Variants in GALK1 observed in about 807,000 individuals in gnomAD.
GALK1 encodes galactokinase 1.
In GALK1, 30 loss-of-function variants were observed where a neutral mutation model predicts 38.6. The observed-to-expected ratio is 0.78, with a 90% CI of 0.58 to 1.05. The LOEUF is 1.05. GALK1 is among the 50% of genes least tolerant of loss of function. The pLI is 0.00. For missense variants in GALK1, 512 were observed against 540.5 expected (o/e 0.95, Z 0.52); for synonymous variants, 240 against 233.6 (o/e 1.03, Z -0.25).
intron 8 of GALK1, chr17:75,751,984 C>T: frequency 1.4e-6 from 1 of 729,458 alleles, no homozygotes; most frequent in Non-Finnish European, 2.5e-6. Flanking sequence ...GGACTGGTGA[C>T]ATATGTCCAC....
At chr17:75,761,755 C>T (rs56011703) in intron 5 of GALK1, among the ~76,000 whole-genome samples, 14,915 of 150,498 alleles carry the variant, frequency 0.099, 904 homozygotes, top group Non-Finnish European at 0.13. Context: ...CTATGGCTCA[C>T]GCCTGTAATC....
intron 5 of GALK1, among the ~76,000 whole-genome samples, chr17:75,760,611 C>CA (rs990477683): frequency 0.012 from 1,468 of 118,222 alleles, 8 homozygotes; most frequent in African/African-American, 0.024. Flanking sequence ...ACTAAAAATA[C>CA]AAAAAAAAAA....
downstream of GALK1, chr17:75,754,028 C>T: frequency 1.2e-6 from 1 of 838,556 alleles, no homozygotes; most frequent in Non-Finnish European, 1.6e-6. Flanking sequence ...CTCACTCGCG[C>T]CTGAGGGCCT....
rs2061592618 is a variant in GALK1, at chr17:75,762,754, CG to C, written c.742del (p.Arg248GlyfsTer16). 6.2e-7 allele frequency: 1 copy of C among 1,613,750 alleles called. No homozygotes were observed. Among genetic ancestry groups the C allele is most frequent in the Non-Finnish European group, 8.5e-7 (1 of 1,180,034 alleles). On this transcript the variant is annotated frameshift_variant, in exon 5 of 8. Transcript: ENST00000588479. LOFTEE classifies it high-confidence loss of function. ...VRRRQCEEVA[R>X]ALGKESLREV... Reference sequence around the variant, plus strand: ...CCGGAGGCTTTCCTTGCCCAGCGCCCGGGCCACTTCTTCACATTGGCGCCGC... The same window carrying C: ...CCGGAGGCTTTCCTTGCCCAGCGCCCGGCCACTTCTTCACATTGGCGCCGC...
downstream of GALK1, chr17:75,756,847 G>A (rs771325116): frequency 5.0e-6 from 8 of 1,612,180 alleles, no homozygotes; most frequent in Non-Finnish European, 6.8e-6. Context: ...CTGTGAGATG[G>A]CCCAAGGAGG....
At chr17:75,754,047 C>T (rs2061430499), downstream of GALK1, 2 of 701,054 alleles carry the variant, frequency 2.9e-6, no homozygotes, top group South Asian at 4.9e-5. Context: ...CTGGGGTGGG[C>T]GTCTGCGCTG....
intron 1 of GALK1, chr17:75,764,456 GC>G (rs756538541): frequency 5.4e-6 from 3 of 558,454 alleles, no homozygotes; most frequent in Admixed American, 3.9e-5. Flanking sequence ...GGCGGAAAGC[GC>G]CCCCCGCTGA....
intron 5 of GALK1, among the ~76,000 whole-genome samples, chr17:75,760,663 C>T (rs112434602): frequency 2.4e-4 from 37 of 152,136 alleles, no homozygotes; most frequent in African/African-American, 8.4e-4. Flanking sequence ...GTAGTCCCAG[C>T]CACTCCAGAG....
rs146045315 is a variant in GALK1 at position 75,764,976 on chromosome 17, G to C, written c.161C>G (p.Pro54Arg). The C allele has an allele frequency of 1.9e-6, 3 of 1,608,150 alleles. No individual in the cohort carries two copies. The African/African-American group carries it at 4.0e-5, about 21-fold the overall frequency. Residue 54 changes from proline (P) to arginine (R), a missense_variant, in exon 1 of 8, where the codon CCT becomes CGT. Coordinates refer to ENST00000588479, the MANE Select transcript of GALK1 (RefSeq NM_000154.2). ...HTDYNQGLVLPMALELMTVLV... is the reference protein window; with the variant it reads ...HTDYNQGLVLRMALELMTVLV... ...GCTCCCCGTGCAGCCCCTCACCATA[G>C]GCAGCACCAGGCCCTGGTTGTAGTC... is the stretch of plus-strand genomic sequence containing the variant.
chr17:75,753,498 G>A (rs1306664556), downstream of GALK1, among the ~76,000 whole-genome samples: 1 of 152,192 alleles, frequency 6.6e-6, no homozygotes, highest in Non-Finnish European at 1.5e-5. Flanking sequence ...CTTCCCCCAG[G>A]TTTCTGGCGG....
chr17:75,752,625 A>G (rs1568380824), intron 8 of GALK1: 1 of 1,610,204 alleles, frequency 6.2e-7, no homozygotes, highest in East Asian at 2.2e-5. Flanking sequence ...GGTCTTGGGT[A>G]CAGAGTGAGT....
At chr17:75,753,887 G>T, downstream of GALK1, 1 of 1,317,048 alleles carries the variant, frequency 7.6e-7, no homozygotes, top group Non-Finnish European at 9.6e-7. Flanking sequence ...CTCCGACGCC[G>T]AGGCGCCCCA....
intron 5 of GALK1, among the ~76,000 whole-genome samples, chr17:75,760,417 T>C (rs2061582436): frequency 6.6e-6 from 1 of 151,540 alleles, no homozygotes; most frequent in Admixed American, 6.6e-5. Flanking sequence ...TTGTGTCTCT[T>C]GACTCTGTAA....
At chr17:75,764,856 C>A in intron 1 of GALK1, 116 bp downstream of exon 1, 1 of 1,169,480 alleles carries the variant, frequency 8.6e-7, no homozygotes, top group South Asian at 1.4e-5. Context: ...CCAGGCGCAG[C>A]TGCCCGCCCC....
chr17:75,756,750 G>A (rs777911248), downstream of GALK1: 6 of 1,612,942 alleles, frequency 3.7e-6, no homozygotes, highest in African/African-American at 5.3e-5. Context: ...GCCCGCTGGT[G>A]TTCACTGCCC....
intron 5 of GALK1, among the ~76,000 whole-genome samples, chr17:75,759,370 G>A (rs999909097): frequency 5.3e-5 from 8 of 152,018 alleles, no homozygotes; most frequent in Admixed American, 2.0e-4. Context: ...GGAGGTTGCA[G>A]TGAGTGGAGA....
At chr17:75,753,794 G>T (rs774572037), downstream of GALK1, 3 of 1,460,068 alleles carry the variant, frequency 2.1e-6, no homozygotes, top group South Asian at 4.2e-5. Context: ...GCCCCTGCTG[G>T]GGGAGGAGCT....
At chr17:75,752,684 G>A in intron 8 of GALK1, 2 of 1,418,654 alleles carry the variant, frequency 1.4e-6, no homozygotes, top group African/African-American at 1.4e-5. Flanking sequence ...AGGACATGGA[G>A]GTTAAGGCAG....
chr17:75,755,172 T>C, downstream of GALK1: 1 of 1,608,656 alleles, frequency 6.2e-7, no homozygotes, highest in Non-Finnish European at 8.5e-7. Context: ...CGAGACTCTA[T>C]AATCCTGGCT....
Sources: gnomAD v4.1 joint callset for allele counts (sites outside exome capture counted in the v4.1 genomes callset) on GRCh38, gnomAD v4.1.1 for gene constraint, MANE v1.5 for transcripts, NCBI Gene and HGNC (gene_info 2026-07-23, HGNC 2026-07-21) for gene names.